Variants in MUC17 observed in about 807,000 individuals in gnomAD.
The protein encoded by MUC17 is mucin 17, cell surface associated.
In MUC17, 190 loss-of-function variants were observed where a neutral mutation model predicts 170.3. The observed-to-expected ratio is 1.12, with a 90% confidence interval of 0.99 to 1.26. The LOEUF (loss-of-function observed/expected upper bound fraction) is 1.26, where lower values mean the gene tolerates loss of function less well. MUC17 is among the 50% of genes most tolerant of loss of function. The pLI is 0.00. For missense variants in MUC17, 6,415 were observed against 5,530.0 expected (o/e 1.16, Z -5.08); for synonymous variants, 2,325 against 2,002.5 (o/e 1.16, Z -4.30).
At chr7:101,051,467 G>A (rs1794942416) in intron 7 of MUC17, 146 bp from the exon 8 acceptor site, 6 of 662,496 alleles carry the variant, frequency 9.1e-6, no homozygotes, top group East Asian at 3.0e-5. Flanking sequence ...CACTGGACGC[G>A]AGGCTGATGC....
rs1381039788 is a variant in MUC17 at position 101,050,719 on chromosome 7, G to C, written c.12874+84G>C. 4 of 1,516,884 alleles carry C rather than the reference G, an allele frequency of 2.6e-6. No individual in the cohort carries two copies. The East Asian group carries it at 9.5e-5, about 36-fold the overall frequency. The allele number at this position is 1,516,884 out of a possible 1,614,324, so 94.0% of individuals were successfully genotyped here. Reference sequence around the variant, plus strand: ...TCTTAATAGACAGGAGGGCGGGAGTGAGGATGGTTAATGGGTGGGTGCAAG... The same window carrying C: ...TCTTAATAGACAGGAGGGCGGGAGTCAGGATGGTTAATGGGTGGGTGCAAG... On this transcript the variant is annotated intron_variant, in intron 7 of 12. Coordinates refer to ENST00000306151, the MANE Select transcript of MUC17 (RefSeq NM_001040105.2).
intron 11 of MUC17, among the ~76,000 whole-genome samples, chr7:101,054,275 A>C (rs909988623): frequency 1.3e-5 from 2 of 152,088 alleles, no homozygotes; most frequent in Non-Finnish European, 2.9e-5. Context: ...TGAGGGTGGT[A>C]GATTTCTCTA....
intron 3 of MUC17, among the ~76,000 whole-genome samples, chr7:101,046,696 T>G (rs1157187535): frequency 1.3e-5 from 2 of 152,026 alleles, no homozygotes; most frequent in Non-Finnish European, 2.9e-5. Context: ...GAGGATTGCT[T>G]AAGCCCAGGA....
At chr7:101,051,726 G>A in intron 8 of MUC17, 45 bp downstream of exon 8, 5 of 1,606,882 alleles carry the variant, frequency 3.1e-6, no homozygotes, top group Non-Finnish European at 4.3e-6. Context: ...GGAGAGGTGG[G>A]GAGCCCAGGA....
rs749749438 is a variant in MUC17 at position 101,040,130 on chromosome 7, A to G, written c.8714A>G (p.Glu2905Gly). The G allele has an allele frequency of 2.2e-5, 35 of 1,612,282 alleles. 1 individual carries two copies. The highest frequency in any genetic ancestry group is 3.0e-5 in the Non-Finnish European group (35 of 1,179,404). ...DTSIPVTTST[E>G]GSSSPTTAEG... is the part of the protein sequence containing the mutation. ...AGCATACCTGTCACCACTTCTACTG[A>G]AGGCAGTTCTTCTCCTACAACTGCT... Residue 2905 changes from glutamate to glycine, a missense_variant, in exon 3 of 13, where the codon GAA becomes GGA. Transcript: ENST00000306151.
Position 101,034,174 on chromosome 7 carries a change from G to A in MUC17, c.2758G>A (p.Gly920Arg), listed in dbSNP as rs61075804. 0.12 allele frequency: 190,326 copies of A among 1,578,564 alleles called. 2 individuals carry two copies. The highest frequency in any genetic ancestry group is 0.26 in the African/African-American group (17,345 of 68,016). ...EGTSMPTSTP[G>R]EGSTPLTSMP... is the part of the protein sequence containing the mutation. ...TACCAGCATGCCAACCTCAACTCCT[G>A]GGGAAGGAAGCACTCCATTAACAAG... Residue 920 changes from glycine to arginine, a missense_variant, in exon 3 of 13, where the codon GGG (glycine) becomes AGG (arginine). Gly to Arg is a moderately radical substitution (Grantham distance 125, BLOSUM62 -2). Coordinates refer to ENST00000306151, the MANE Select transcript of MUC17 (RefSeq NM_001040105.2).
Position 101,037,193 on chromosome 7 carries a change from C to T in MUC17, c.5777C>T (p.Pro1926Leu), listed in dbSNP as rs201537848. 519 of 1,612,746 alleles carry T rather than the reference C, an allele frequency of 3.2e-4. 1 individual carries two copies. The highest frequency in any genetic ancestry group is 4.2e-4 in the Non-Finnish European group (496 of 1,179,676). Residue 1926 changes from proline to leucine, a missense_variant, in exon 3 of 13, where the codon CCT (proline) becomes CTT (leucine). Coordinates refer to ENST00000306151, the MANE Select transcript of MUC17 (RefSeq NM_001040105.2). ...MPTSTPREGR[P>L]PLTSIPVSTT... The stretch of plus-strand genomic sequence containing the variant: ...ACCTCAACTCCTAGGGAAGGAAGGC[C>T]TCCATTAACAAGTATACCTGTCAGC...
intron 3 of MUC17, among the ~76,000 whole-genome samples, chr7:101,047,264 C>T (rs1174289431): frequency 6.6e-6 from 1 of 152,134 alleles, no homozygotes; most frequent in East Asian, 1.9e-4. Flanking sequence ...TAATTCTCAA[C>T]CTGGGTGGAA....
chr7:101,036,788 C>A lies in MUC17; in HGVS notation c.5372C>A (p.Thr1791Lys), dbSNP rs1286250491. Residue 1791 changes from threonine to lysine, a missense_variant, in exon 3 of 13, where the codon ACA becomes AAA. Physicochemically the swap from Thr to Lys is moderately conservative, Grantham distance 78. Coordinates refer to ENST00000306151, the MANE Select transcript of MUC17 (RefSeq NM_001040105.2). Reference sequence around the variant, plus strand: ...TCTACTGAAGCCACTTCGTCTCCTACAACTGCTGAAGGTACCAGCATACCA... The same window carrying A: ...TCTACTGAAGCCACTTCGTCTCCTAAAACTGCTGAAGGTACCAGCATACCA... The part of the protein sequence containing the change: ...TTSTEATSSP[T>K]TAEGTSIPTS... 4.4e-6 allele frequency: 7 copies of A among 1,606,288 alleles called. No homozygotes were observed. The highest frequency in any genetic ancestry group is 6.0e-6 in the Non-Finnish European group (7 of 1,175,980).
chr7:101,035,403 C>G lies in MUC17; in HGVS notation c.3987C>G (p.Thr1329=), dbSNP rs371072233. 3 of 1,607,086 alleles carry G rather than the reference C, an allele frequency of 1.9e-6. No individual in the cohort carries two copies. Among genetic ancestry groups the G allele is most frequent in the Admixed American group, 3.3e-5 (2 of 59,748 alleles). The change falls in exon 3 of 13, where the codon ACC becomes ACG. Residue 1329 remains threonine (T), a synonymous_variant. Coordinates refer to ENST00000306151, the MANE Select transcript of MUC17 (RefSeq NM_001040105.2). ...CTGCTGAAGGTACCAGCATGCCAAC[C>G]TCAACTTATAGTGAAGGAAGAACTC... is the stretch of plus-strand genomic sequence containing the variant. The part of the protein sequence containing the change: ...PTPAEGTSMP[T]STYSEGRTPL...
Position 101,036,733 on chromosome 7 carries a change from C to T in MUC17, c.5317C>T (p.Pro1773Ser). The T allele has an allele frequency of 1.9e-6, 3 of 1,612,838 alleles. No homozygotes were observed. Among genetic ancestry groups the T allele is most frequent in the Non-Finnish European group, 2.5e-6 (3 of 1,179,454 alleles). Residue 1773 changes from proline (P) to serine (S), a missense_variant, in exon 3 of 13, where the codon CCT becomes TCT. Pro to Ser is a moderately conservative substitution (Grantham distance 74, BLOSUM62 -1). Transcript: ENST00000306151. ...TGAGGCTAGCACCCTTTCAGCAACT[C>T]CTATTGACACCAGCACCCCTGTGAC... ...SSEASTLSAT[P>S]IDTSTPVTTS...
At chr7:101,050,114 G>A (rs1794911280) in intron 6 of MUC17, among the ~76,000 whole-genome samples, 2 of 152,190 alleles carry the variant, frequency 1.3e-5, no homozygotes, top group African/African-American at 4.8e-5. Flanking sequence ...CTGGGCAGCA[G>A]TGAGACTCTG....
intron 11 of MUC17, 72 bp from the exon 12 acceptor site, chr7:101,056,122 G>A: frequency 6.2e-7 from 1 of 1,602,158 alleles, no homozygotes. Flanking sequence ...CCATCAGATG[G>A]GATTAAAGGG....
In MUC17 at chr7:101,040,755, C is replaced by T; in HGVS notation, c.9339C>T (p.Ser3113=). The change falls in exon 3 of 13, where the codon AGC becomes AGT. Residue 3113 remains serine (S), a synonymous_variant. Transcript: ENST00000306151. ...GSTPLTGVPV[S]TTPVTSSAIS... is the part of the protein sequence containing the mutation. ...CTCCATTAACAGGTGTGCCTGTCAG[C>T]ACCACACCGGTGACCAGTTCTGCAA... is the stretch of plus-strand genomic sequence containing the variant. 2 of 1,613,498 alleles carry T rather than the reference C, an allele frequency of 1.2e-6. No individual in the cohort carries two copies. Among genetic ancestry groups the T allele is most frequent in the Middle Eastern group, 1.7e-4 (1 of 6,060 alleles).
rs147525614 is a variant in MUC17 at position 101,043,544 on chromosome 7, G to A, written c.12128G>A (p.Arg4043His). The A allele has an allele frequency of 2.5e-5, 40 of 1,613,896 alleles. No homozygotes were observed. The highest frequency in any genetic ancestry group is 1.6e-4 in the Middle Eastern group (1 of 6,084). The change falls in exon 3 of 13, where the codon CGT (arginine) becomes CAT (histidine). Residue 4043 changes from arginine to histidine, a missense_variant. Physicochemically the swap from Arg to His is conservative, Grantham distance 29. Coordinates refer to ENST00000306151, the MANE Select transcript of MUC17 (RefSeq NM_001040105.2). ...TPHTSTSVTT[R>H]PVTPSSESSR... Reference sequence around the variant, plus strand: ...CACACCTCTACTTCTGTCACCACCCGTCCTGTGACCCCTTCATCAGAATCC... The same window carrying A: ...CACACCTCTACTTCTGTCACCACCCATCCTGTGACCCCTTCATCAGAATCC...
intron 12 of MUC17, among the ~76,000 whole-genome samples, chr7:101,057,092 G>T (rs1474358530): frequency 2.0e-5 from 3 of 152,028 alleles, no homozygotes; most frequent in African/African-American, 7.3e-5. Context: ...CTGGAGGTTG[G>T]TTCTAGAGGC....
Position 101,035,690 on chromosome 7 carries a change from C to T in MUC17, c.4274C>T (p.Thr1425Ile), listed in dbSNP as rs747002636. 8.1e-6 allele frequency: 13 copies of T among 1,606,330 alleles called. No homozygotes were observed. In the Admixed American group the frequency reaches 2.2e-4, roughly 27 times the overall value. The change falls in exon 3 of 13, where the codon ACC becomes ATC. Residue 1425 changes from threonine (T) to isoleucine (I), a missense_variant. Transcript: ENST00000306151. ...TCAGCAACTCCTGTTGACACCAGCACCCCTGGGACCACTTCTGCTGAAGCC... is the reference window on the plus strand; with the variant it reads ...TCAGCAACTCCTGTTGACACCAGCATCCCTGGGACCACTTCTGCTGAAGCC... ...TLSATPVDTS[T>I]PGTTSAEATS...
intron 3 of MUC17, among the ~76,000 whole-genome samples, chr7:101,047,508 C>T (rs1794862365): frequency 6.6e-6 from 1 of 152,092 alleles, no homozygotes; most frequent in East Asian, 1.9e-4. Context: ...TCCTGTGCAC[C>T]CCTGGGGTCT....
chr7:101,041,093 G>A lies in MUC17; in HGVS notation c.9677G>A (p.Ser3226Asn), dbSNP rs560213143. ...TPSEGMTPLT[S>N]VPVSNTPVAS... ...AGTGAAGGAATGACTCCATTAACTA[G>A]TGTACCTGTCAGCAACACGCCGGTG... The change falls in exon 3 of 13, where the codon AGT becomes AAT. Residue 3226 changes from serine to asparagine, a missense_variant. By Grantham distance (46) the Ser-to-Asn change is conservative. Coordinates refer to ENST00000306151, the MANE Select transcript of MUC17 (RefSeq NM_001040105.2). 1.2e-6 allele frequency: 2 copies of A among 1,613,708 alleles called. No individual in the cohort carries two copies. The highest frequency in any genetic ancestry group is 3.3e-5 in the Admixed American group (2 of 59,946).
Sources: gnomAD v4.1 joint callset for allele counts (sites outside exome capture counted in the v4.1 genomes callset) on GRCh38, gnomAD v4.1.1 for gene constraint, MANE v1.5 for transcripts, NCBI Gene and HGNC (gene_info 2026-07-23, HGNC 2026-07-21) for gene names.